The following VPS26B variants were observed in gnomAD, a reference collection of about 807,000 sequenced individuals.
The protein encoded by VPS26B is vacuolar protein sorting-associated protein 26B.
VPS26B carries 10 observed loss-of-function variants against 33.3 expected under a neutral mutation model. The observed-to-expected ratio is 0.30, with a 90% CI of 0.19 to 0.51. VPS26B has a LOEUF of 0.51. Among genes scored for constraint, VPS26B ranks in the 20% least tolerant of loss-of-function variants. VPS26B has a pLI of 0.98. For synonymous variants in VPS26B, 190 were observed against 176.9 expected (o/e 1.07, Z -0.59); for missense variants, 317 against 452.7 (o/e 0.70, Z 2.72).
At position 134,240,306 on chromosome 11, in the gene VPS26B, C is replaced by A; in HGVS notation, c.545+151C>A. 1 of 826,494 alleles carries A rather than the reference C, an allele frequency of 1.2e-6. No homozygotes were observed. 51.2% of individuals were successfully genotyped at this position (826,494 alleles called of 1,614,324 possible). On this transcript the variant is annotated intron_variant, in intron 3 of 5. Transcript: ENST00000281187. The surrounding 1 kb of genome is among the most constrained non-coding windows in gnomAD (Gnocchi z 4.4). Reference sequence around the variant, plus strand: ...ACCGTGGGAGCAATCCAGTGAGTGTCTATGGCAGGCCAGCTGCAGCTGGAC... The same window carrying A: ...ACCGTGGGAGCAATCCAGTGAGTGTATATGGCAGGCCAGCTGCAGCTGGAC...
In VPS26B at chr11:134,243,256, T is replaced by C. The variant is rs1398683727; in HGVS notation, c.683T>C (p.Ile228Thr). 3.7e-6 allele frequency: 6 copies of C among 1,614,096 alleles called. No homozygotes were observed. Among genetic ancestry groups the C allele is most frequent in the Non-Finnish European group, 5.1e-6 (6 of 1,179,980 alleles). Residue 228 changes from isoleucine to threonine, a missense_variant, in exon 4 of 6, where the codon ATA becomes ACA. Transcript: ENST00000281187. ...GPNVYHENDT[I>T]AKYEIMDGAP... ...AACGTGTACCATGAGAATGACACGA[T>C]AGCCAAGTACGAGATCATGGACGGG... is the stretch of plus-strand genomic sequence containing the variant.
At position 134,245,522 on chromosome 11, in the gene VPS26B, G is replaced by A. The variant is rs758058105; in HGVS notation, c.943G>A (p.Glu315Lys). 3.7e-6 allele frequency: 6 copies of A among 1,613,862 alleles called. No homozygotes were observed. The Admixed American group carries it at 1.0e-4, about 27-fold the overall frequency. The change falls in exon 6 of 6, where the codon GAG (glutamate) becomes AAG (lysine). Residue 315 changes from glutamate to lysine, a missense_variant. By Grantham distance (56) the Glu-to-Lys change is moderately conservative (BLOSUM62 1). Transcript: ENST00000281187. The surrounding 1 kb of genome is among the most constrained non-coding windows in gnomAD (Gnocchi z 4.7). ...HQAAIASQRF[E>K]GTTSLGEVRT... is the part of the protein sequence containing the mutation. ...GGCGGCCATCGCCTCACAGCGCTTT[G>A]AGGGCACCACCTCCCTGGGTGAGGT...
intron 2 of VPS26B, among the ~76,000 whole-genome samples, chr11:134,236,909 CATT>C (rs1226712120): frequency 6.6e-6 from 1 of 152,180 alleles, no homozygotes; most frequent in Non-Finnish European, 1.5e-5. Flanking sequence ...ATACGAATAT[CATT>C]AATGCCACTG....
intron 3 of VPS26B, among the ~76,000 whole-genome samples, chr11:134,242,852 G>A (rs1938754048): frequency 6.6e-6 from 1 of 152,258 alleles, no homozygotes; most frequent in African/African-American, 2.4e-5. Context: ...ATGCTGGGGA[G>A]ATAGAGCAGA....
rs1043516776 is a variant in VPS26B, at chr11:134,242,053, C to A, written c.546-1066C>A. ...TTTGTTTTTTAACTCTCCCCGCTTA[C>A]ACCTAGAGCAGCTTTTGCTTCTGTA... is the stretch of plus-strand genomic sequence containing the variant. On this transcript the variant is annotated intron_variant, in intron 3 of 5. Coordinates refer to ENST00000281187, the MANE Select transcript of VPS26B (RefSeq NM_052875.5). Among the ~76,000 whole-genome samples, 11 of 152,350 alleles carry A rather than the reference C, an allele frequency of 7.2e-5. 1 individual carries two copies. The South Asian group carries it at 2.3e-3, about 32-fold the overall frequency.
At chr11:134,234,490 T>A (rs894604883) in intron 1 of VPS26B, among the ~76,000 whole-genome samples, 5 of 152,236 alleles carry the variant, frequency 3.3e-5, no homozygotes, top group African/African-American at 1.2e-4. Flanking sequence ...TGATAAGACC[T>A]GTCTTAGCTG....
chr11:134,244,475 T>C lies in VPS26B; in HGVS notation c.722-463T>C, dbSNP rs546306421. On this transcript the variant is annotated intron_variant, in intron 4 of 5. Coordinates refer to ENST00000281187, the MANE Select transcript of VPS26B (RefSeq NM_052875.5). The surrounding 1 kb of genome is among the most constrained non-coding windows in gnomAD (Gnocchi z 4.0). ...GGTTCTTGCAGAACTGAGGCCATAGTGAGGACTTTCTGCTTTCCACCATAC... is the reference window on the plus strand; with the variant it reads ...GGTTCTTGCAGAACTGAGGCCATAGCGAGGACTTTCTGCTTTCCACCATAC... The C allele has an allele frequency of 6.5e-6, 1 of 153,670 alleles. No homozygotes were observed. The highest frequency in any genetic ancestry group is 2.0e-4 in the South Asian group (1 of 4,904). 9.5% of individuals were successfully genotyped at this position (153,670 alleles called of 1,614,324 possible). A position where few individuals can be genotyped will look rare whatever the true frequency, so the allele number is the denominator to read the frequency against.
chr11:134,238,682 G>A (rs546923258), intron 2 of VPS26B, among the ~76,000 whole-genome samples: 2 of 152,124 alleles, frequency 1.3e-5, no homozygotes, highest in East Asian at 1.9e-4. Context: ...CGCAAGCTCC[G>A]CCTCCTGGGT....
At chr11:134,232,411 G>T (rs1196535752) in intron 1 of VPS26B, among the ~76,000 whole-genome samples, 1 of 152,222 alleles carries the variant, frequency 6.6e-6, no homozygotes, top group Non-Finnish European at 1.5e-5. Flanking sequence ...ATAAAGGATA[G>T]ATTAAAAAGG....
intron 1 of VPS26B, among the ~76,000 whole-genome samples, chr11:134,234,570 A>C (rs1006566971): frequency 2.6e-5 from 4 of 152,198 alleles, no homozygotes; most frequent in Admixed American, 2.6e-4. Context: ...TGGAAGTGTT[A>C]AATGCTGTTT....
At chr11:134,226,742 G>A (rs1032712734) in intron 1 of VPS26B, among the ~76,000 whole-genome samples, 17 of 152,218 alleles carry the variant, frequency 1.1e-4, no homozygotes, top group South Asian at 2.1e-4. Context: ...AGAATTTGCC[G>A]TCTTTTTTTC....
At chr11:134,239,930 T>A in intron 2 of VPS26B, 61 bp from the exon 3 acceptor site, 1 of 1,603,922 alleles carries the variant, frequency 6.2e-7, no homozygotes, top group Non-Finnish European at 8.5e-7. Flanking sequence ...ATTTGGTACC[T>A]ATATCTAGGT....
At chr11:134,230,315 A>G (rs1938538882) in intron 1 of VPS26B, among the ~76,000 whole-genome samples, 1 of 152,254 alleles carries the variant, frequency 6.6e-6, no homozygotes, top group South Asian at 2.1e-4. Flanking sequence ...GGTCAAATCT[A>G]AGAATTTACA....
chr11:134,229,134 A>G (rs1017892995), intron 1 of VPS26B, among the ~76,000 whole-genome samples: 2 of 152,162 alleles, frequency 1.3e-5, no homozygotes, highest in East Asian at 1.9e-4. Flanking sequence ...GGCTCAAGCA[A>G]TCCTCCCATC....
Position 134,243,172 on chromosome 11 carries a change from T to A in VPS26B, c.599T>A (p.Ile200Asn). ...AAGATATACTTCCTGCTGGTGAGAA[T>A]CAAAATCAAGCACATGGAGATAGAC... ...VGKIYFLLVRIKIKHMEIDII... is the reference protein window; with the variant it reads ...VGKIYFLLVRNKIKHMEIDII... The change falls in exon 4 of 6, where the codon ATC (isoleucine) becomes AAC (asparagine). Residue 200 changes from isoleucine to asparagine, a missense_variant. Coordinates refer to ENST00000281187, the MANE Select transcript of VPS26B (RefSeq NM_052875.5). 6.2e-7 allele frequency: 1 copy of A among 1,613,792 alleles called. No individual in the cohort carries two copies. The highest frequency in any genetic ancestry group is 8.5e-7 in the Non-Finnish European group (1 of 1,179,880).
chr11:134,245,160 A>ATTTTTGCT lies in VPS26B; in HGVS notation c.864+87_864+88insTTTTTTGC. On this transcript the variant is annotated intron_variant, in intron 5 of 5. Transcript: ENST00000281187. This position sits in a 1 kb window ranked among gnomAD's most constrained non-coding sequence, Gnocchi z 4.7. ...TCTTTCCTATGGAAGGTCAGACTCC[A>ATTTTTGCT]TTTTTGCCAAGAGGTGGGAACATTA... The ATTTTTGCT allele has an allele frequency of 6.5e-7, 1 of 1,546,996 alleles. No individual in the cohort carries two copies.
At chr11:134,228,940 A>G (rs184812085) in intron 1 of VPS26B, among the ~76,000 whole-genome samples, 28 of 152,280 alleles carry the variant, frequency 1.8e-4, no homozygotes, top group Non-Finnish European at 3.5e-4. Context: ...TTCCTTGTTA[A>G]TTTGGAGGCA....
Position 134,244,894 on chromosome 11 carries a change from G to A in VPS26B, c.722-44G>A. ...AGAGTGACCTGGTATAAGGGAGAGG[G>A]CATCACCTTGCCCCCTGTGCTGACT... On this transcript the variant is annotated intron_variant, in intron 4 of 5. Transcript: ENST00000281187. This position sits in a 1 kb window ranked among gnomAD's most constrained non-coding sequence, Gnocchi z 4.0. The A allele has an allele frequency of 6.3e-7, 1 of 1,596,688 alleles. No individual in the cohort carries two copies. Among genetic ancestry groups the A allele is most frequent in the Admixed American group, 1.7e-5 (1 of 59,262 alleles).
rs565076892 is a variant in VPS26B, at chr11:134,234,806, T to A, written c.224-91T>A. 4 of 1,492,206 alleles carry A rather than the reference T, an allele frequency of 2.7e-6. No individual in the cohort carries two copies. The African/African-American group carries it at 5.6e-5, about 21-fold the overall frequency. The allele number at this position is 1,492,206 out of a possible 1,614,324, so 92.4% of individuals were successfully genotyped here. ...GCAGGGAGGTCCTTCCAGAAAGCAG[T>A]CCCTCCAGCCTACAGCCTCCAGCCC... On this transcript the variant is annotated intron_variant, in intron 1 of 5. Coordinates refer to ENST00000281187, the MANE Select transcript of VPS26B (RefSeq NM_052875.5).
Sources: gnomAD v4.1 joint callset for allele counts (sites outside exome capture counted in the v4.1 genomes callset) on GRCh38, gnomAD v4.1.1 for gene constraint, Gnocchi (gnomAD v3.1) non-coding constraint, MANE v1.5 for transcripts, NCBI Gene and HGNC (gene_info 2026-07-23, HGNC 2026-07-21) for gene names.